ECT2L: variants seen among roughly 807,000 people sequenced by gnomAD.
ECT2L encodes epithelial cell transforming 2 like.
A neutral mutation model predicts 122.8 loss-of-function variants in ECT2L; 126 were observed. The observed-to-expected ratio is 1.03, with a 90% CI of 0.89 to 1.19. The LOEUF (loss-of-function observed/expected upper bound fraction) is 1.19. Ranked by LOEUF, ECT2L falls within the 50% of genes most tolerant of loss-of-function variation. ECT2L has a pLI of 0.00. For synonymous variants in ECT2L, 385 were observed against 381.8 expected (o/e 1.01, Z -0.10); for missense variants, 1,012 against 1,064.1 (o/e 0.95, Z 0.68).
intron 9 of ECT2L, 83 bp from the exon 10 acceptor site, chr6:138,853,943 G>A (rs1354949611): frequency 2.7e-6 from 4 of 1,481,056 alleles, no homozygotes; most frequent in Non-Finnish European, 3.7e-6. Flanking sequence ...TTGATTTTGT[G>A]CTTACATTTT....
chr6:138,882,743 A>G lies in ECT2L; in HGVS notation c.1900A>G (p.Arg634Gly). The G allele has an allele frequency of 6.2e-7, 1 of 1,614,154 alleles. No homozygotes were observed. The highest frequency in any genetic ancestry group is 8.5e-7 in the Non-Finnish European group (1 of 1,180,010). The change falls in exon 16 of 22, where the codon AGA becomes GGA. Residue 634 changes from arginine (R) to glycine (G), a missense_variant. Coordinates refer to ENST00000541398, the MANE Select transcript of ECT2L (RefSeq NM_001077706.3). ...SLNRQFLDNL[R>G]DRLQEWGPAH... ...CCACAGGCAGTTTCTAGATAACCTG[A>G]GAGACAGACTGCAGGAATGGGGCCC...
chr6:138,818,367 C>A (rs779966166), intron 4 of ECT2L, among the ~76,000 whole-genome samples: 3 of 152,184 alleles, frequency 2.0e-5, no homozygotes, highest in Admixed American at 6.5e-5. Flanking sequence ...CTCTTCCATT[C>A]TTCCCACGCA....
intron 16 of ECT2L, 112 bp from the exon 17 acceptor site, chr6:138,885,394 C>T: frequency 3.1e-6 from 3 of 970,626 alleles, no homozygotes; most frequent in South Asian, 3.0e-5. Context: ...ATTGGTTAGA[C>T]ATAGATGTTG....
At chr6:138,801,813 A>G (rs1028386044) in intron 1 of ECT2L, among the ~76,000 whole-genome samples, 37 of 152,310 alleles carry the variant, frequency 2.4e-4, no homozygotes, top group African/African-American at 8.9e-4. Context: ...TACTGAGTAA[A>G]TATGGAAACA....
intron 9 of ECT2L, among the ~76,000 whole-genome samples, chr6:138,852,851 T>C (rs1777496706): frequency 6.6e-6 from 1 of 152,286 alleles, no homozygotes; most frequent in Admixed American, 6.5e-5. Context: ...GGAGTAAGTT[T>C]ATCTCGTGTG....
At chr6:138,858,350 A>C (rs1156303886) in intron 10 of ECT2L, among the ~76,000 whole-genome samples, 1 of 152,114 alleles carries the variant, frequency 6.6e-6, no homozygotes, top group East Asian at 1.9e-4. Context: ...CCTTCCCCAG[A>C]TTCCTCAGTA....
rs1363507596 is a variant in ECT2L, at chr6:138,868,159, G to A, written c.1531G>A (p.Ala511Thr). Residue 511 changes from alanine (A) to threonine (T), a missense_variant, in exon 13 of 22, where the codon GCG (alanine) becomes ACG (threonine). Physicochemically the swap from Ala to Thr is moderately conservative, Grantham distance 58. Coordinates refer to ENST00000541398, the MANE Select transcript of ECT2L (RefSeq NM_001077706.3). The stretch of plus-strand genomic sequence containing the variant: ...CAACATTCTAAACAACCAAGATACT[G>A]CGCAAGCTCTGGCAGATGGATTGAT... ...MTNILNNQDT[A>T]QALADGLMEL... 4 of 1,613,862 alleles carry A rather than the reference G, an allele frequency of 2.5e-6. No homozygotes were observed. Among genetic ancestry groups the A allele is most frequent in the Middle Eastern group, 3.3e-4 (2 of 6,062 alleles).
At chr6:138,799,339 C>T (rs1325436809) in intron 1 of ECT2L, among the ~76,000 whole-genome samples, 1 of 151,038 alleles carries the variant, frequency 6.6e-6, no homozygotes, top group African/African-American at 2.4e-5. Flanking sequence ...CTGCAAGCTC[C>T]GCCTCCCGGG....
chr6:138,825,731 G>A (rs1166271673), intron 4 of ECT2L, among the ~76,000 whole-genome samples: 2 of 152,200 alleles, frequency 1.3e-5, no homozygotes, highest in African/African-American at 4.8e-5. Flanking sequence ...CAATTAGCCA[G>A]AATTTTTTTT....
At chr6:138,884,650 A>C (rs1778751001) in intron 16 of ECT2L, among the ~76,000 whole-genome samples, 2 of 152,088 alleles carry the variant, frequency 1.3e-5, no homozygotes, top group Admixed American at 1.3e-4. Flanking sequence ...AAAAACAAAA[A>C]ACAAAAAAAA....
chr6:138,811,660 A>G (rs1229354230), intron 1 of ECT2L, among the ~76,000 whole-genome samples: 1 of 151,986 alleles, frequency 6.6e-6, no homozygotes, highest in Non-Finnish European at 1.5e-5. Context: ...ACAGCAAGCT[A>G]TGATTTTTAT....
In ECT2L at chr6:138,885,835, G is replaced by A. The variant is rs985902138; in HGVS notation, c.2259+5G>A. 6.2e-7 allele frequency: 1 copy of A among 1,611,008 alleles called. No homozygotes were observed. The highest frequency in any genetic ancestry group is 8.5e-7 in the Non-Finnish European group (1 of 1,178,672). On this transcript the variant is annotated splice_donor_5th_base_variant and intron_variant, in intron 18 of 21. Coordinates refer to ENST00000541398, the MANE Select transcript of ECT2L (RefSeq NM_001077706.3). ...TATAAAGGTTATATAGATCAGGTTGGTTGCTGATAAGAATCTGTGTCCTTT... is the reference window on the plus strand; with the variant it reads ...TATAAAGGTTATATAGATCAGGTTGATTGCTGATAAGAATCTGTGTCCTTT...
In ECT2L at chr6:138,847,354, A is replaced by ATTTTTT. The variant is rs1562471985; in HGVS notation, c.903+677_903+678insTTTTTT. ...TTTTGAAAAAGCATTAAAGGCCCAAACTTTTTTTTTTTTTTTTTTTTTTTT... is the reference window on the plus strand; with the variant it reads ...TTTTGAAAAAGCATTAAAGGCCCAAATTTTTTCTTTTTTTTTTTTTTTTTTTTTTTT... On this transcript the variant is annotated intron_variant, in intron 8 of 21. Transcript: ENST00000541398. 4.4e-3 allele frequency among the ~76,000 whole-genome samples: 492 copies of ATTTTTT among 111,014 alleles called. 17 individuals carry two copies. The highest frequency in any genetic ancestry group is 0.019 in the African/African-American group (470 of 24,898). The allele number at this position is 111,014 out of a possible 152,430, so 72.8% of individuals were successfully genotyped here.
rs570551644 is a variant in ECT2L at position 138,847,667 on chromosome 6, G to A, written c.903+990G>A. Among the ~76,000 whole-genome samples, 11 of 150,996 alleles carry A rather than the reference G, an allele frequency of 7.3e-5. No individual in the cohort carries two copies. The South Asian group carries it at 1.5e-3, about 20-fold the overall frequency. On this transcript the variant is annotated intron_variant, in intron 8 of 21. Transcript: ENST00000541398. ...GCTGGGATTACAGGCGTAAGCCACC[G>A]CACCCAGCCTAAAGGCCCAAACTTT...
Position 138,902,902 on chromosome 6 carries a change from G to T in ECT2L, c.*275G>T. The T allele has an allele frequency of 2.8e-6, 1 of 358,210 alleles. No individual in the cohort carries two copies. The highest frequency in any genetic ancestry group is 5.1e-6 in the Non-Finnish European group (1 of 195,154). The allele number at this position is 358,210 out of a possible 1,614,324, so 22.2% of individuals were successfully genotyped here. A position where few individuals can be genotyped will look rare whatever the true frequency, so the allele number is the denominator to read the frequency against. On this transcript the variant is annotated 3_prime_UTR_variant, in exon 22 of 22. Transcript: ENST00000541398. ...ATTATTTAGAGTAATTTGATGTGAT[G>T]AAACCTAAGACAGAGCAAGCACATT...
chr6:138,878,306 T>TACACACAC lies in ECT2L; in HGVS notation c.1665+1768_1665+1775dup, dbSNP rs34393243. On this transcript the variant is annotated intron_variant, in intron 14 of 21. Transcript: ENST00000541398. The stretch of plus-strand genomic sequence containing the variant: ...GCAAGGATTTAGATACATATATATA[T>TACACACAC]ACACACACACACACACACACACACA... 6.3e-4 allele frequency among the ~76,000 whole-genome samples: 94 copies of TACACACAC among 150,330 alleles called. 2 individuals carry two copies. The highest frequency in any genetic ancestry group is 2.3e-3 in the African/African-American group (92 of 40,826).
chr6:138,878,441 C>CTTTTGT (rs538914578), intron 14 of ECT2L, among the ~76,000 whole-genome samples: 6 of 151,746 alleles, frequency 4.0e-5, no homozygotes, highest in East Asian at 3.9e-4. Flanking sequence ...AAAGGAGGTC[C>CTTTTGT]TTTTGTTTTT....
intron 7 of ECT2L, among the ~76,000 whole-genome samples, chr6:138,846,075 A>T (rs1054767903): frequency 5.4e-5 from 8 of 147,932 alleles, no homozygotes; most frequent in South Asian, 2.1e-4. Context: ...TGTCACTTAA[A>T]TTTTTTTTTT....
chr6:138,859,172 T>C (rs1310383383), intron 10 of ECT2L, among the ~76,000 whole-genome samples: 1 of 152,252 alleles, frequency 6.6e-6, no homozygotes, highest in Non-Finnish European at 1.5e-5. Context: ...ATACAGTATG[T>C]ATTCTCTGTC....
Sources: gnomAD v4.1 joint callset for allele counts (sites outside exome capture counted in the v4.1 genomes callset) on GRCh38, gnomAD v4.1.1 for gene constraint, MANE v1.5 for transcripts, NCBI Gene and HGNC (gene_info 2026-07-23, HGNC 2026-07-21) for gene names.